Variants in ECPAS observed in about 807,000 individuals in gnomAD.
The protein encoded by ECPAS is proteasome adapter and scaffold protein ECM29.
A neutral mutation model predicts 255.1 loss-of-function variants in ECPAS; 70 were observed. That is an observed-to-expected ratio of 0.27 (90% CI 0.23 to 0.33). The LOEUF is 0.33. ECPAS is among the 10% of genes least tolerant of loss of function. The pLI is 1.00. For synonymous variants in ECPAS, 784 were observed against 775.0 expected, an observed-to-expected ratio of 1.01 and a Z score of -0.19; for missense variants, 1,817 against 2,206.4, an observed-to-expected ratio of 0.82 and a Z score of 3.54.
At chr9:111,431,861 G>A (rs888972905) in intron 8 of ECPAS, among the ~76,000 whole-genome samples, 1 of 152,144 alleles carries the variant, frequency 6.6e-6, no homozygotes, top group Admixed American at 6.5e-5. Context: ...CTACAATTCT[G>A]TTTTAGATAT....
At chr9:111,390,150 C>T (rs2098157239) in intron 29 of ECPAS, 49 bp from the exon 30 acceptor site, 5 of 1,142,702 alleles carry the variant, frequency 4.4e-6, no homozygotes, top group Non-Finnish European at 6.3e-6. Flanking sequence ...TCTCTCTCTC[C>T]AGCCTAAAAA....
intron 2 of ECPAS, among the ~76,000 whole-genome samples, chr9:111,454,576 G>A (rs1408201121): frequency 6.6e-6 from 1 of 152,114 alleles, no homozygotes; most frequent in Non-Finnish European, 1.5e-5. Flanking sequence ...TACCTTTGAG[G>A]TGAATCAATC....
chr9:111,470,746 C>CCACACACACACACACACA (rs57091815), intron 2 of ECPAS, among the ~76,000 whole-genome samples: 77 of 124,584 alleles, frequency 6.2e-4, no homozygotes, highest in South Asian at 1.1e-3. Context: ...TCTCCTCCCG[C>CCACACACACACACACACA]CACACACACA....
chr9:111,365,099 C>T (rs552907696), intron 48 of ECPAS, among the ~76,000 whole-genome samples: 2 of 151,750 alleles, frequency 1.3e-5, no homozygotes, highest in African/African-American at 4.8e-5. Flanking sequence ...GGTGAAACCC[C>T]GTCTCTACTA....
intron 2 of ECPAS, among the ~76,000 whole-genome samples, chr9:111,452,394 C>A (rs769469190): frequency 3.3e-5 from 5 of 151,878 alleles, no homozygotes; most frequent in Non-Finnish European, 5.9e-5. Context: ...AAACTCTACA[C>A]TTTCATACCT....
At chr9:111,380,943 G>C (rs936197937) in intron 35 of ECPAS, among the ~76,000 whole-genome samples, 1 of 152,242 alleles carries the variant, frequency 6.6e-6, no homozygotes, top group African/African-American at 2.4e-5. Context: ...AGGGAATTTT[G>C]TGGCTGATTT....
At chr9:111,440,021 T>G (rs1351408930) in intron 6 of ECPAS, among the ~76,000 whole-genome samples, 2 of 150,322 alleles carry the variant, frequency 1.3e-5, no homozygotes, top group Admixed American at 6.7e-5. Flanking sequence ...TAATAGTAAA[T>G]TTAAAAGAGA....
In ECPAS at chr9:111,413,979, C is replaced by A; in HGVS notation, c.1995G>T (p.Pro665=). 1 of 1,573,572 alleles carries A rather than the reference C, an allele frequency of 6.4e-7. No individual in the cohort carries two copies. The highest frequency in any genetic ancestry group is 8.6e-7 in the Non-Finnish European group (1 of 1,158,830). The change falls in exon 20 of 50, where the codon CCG becomes CCT. Residue 665 remains proline, a synonymous_variant. Transcript: ENST00000684092. ...QQLLAGVGGL[P]VMYCLLEAVS... The stretch of plus-strand genomic sequence containing the variant: ...CAGCTTCCAATAGACAGTACATAAC[C>A]GGCAAACCTAAATAAGAATTCAGAA...
intron 17 of ECPAS, among the ~76,000 whole-genome samples, chr9:111,417,382 T>C (rs1468298004): frequency 6.6e-6 from 1 of 152,218 alleles, no homozygotes; most frequent in Non-Finnish European, 1.5e-5. Flanking sequence ...ACAGATCAAT[T>C]ACAGGTGAGG....
chr9:111,454,512 G>A (rs1212492593), intron 2 of ECPAS, among the ~76,000 whole-genome samples: 1 of 152,118 alleles, frequency 6.6e-6, no homozygotes, highest in African/African-American at 2.4e-5. Context: ...ACCACCATGT[G>A]AGAGGGTCCT....
At chr9:111,437,362 A>G (rs1254460274) in intron 6 of ECPAS, among the ~76,000 whole-genome samples, 1 of 152,220 alleles carries the variant, frequency 6.6e-6, no homozygotes. Context: ...ATGAATATAA[A>G]TATTTTCATC....
chr9:111,367,493 T>G (rs2131478546), intron 46 of ECPAS, among the ~76,000 whole-genome samples: 1 of 152,300 alleles, frequency 6.6e-6, no homozygotes, highest in South Asian at 2.1e-4. Context: ...TCTCATATAA[T>G]TCCCTACTTT....
At chr9:111,402,683 T>C (rs1444846902) in intron 24 of ECPAS, among the ~76,000 whole-genome samples, 1 of 152,180 alleles carries the variant, frequency 6.6e-6, no homozygotes, top group African/African-American at 2.4e-5. Context: ...ATGGGGGTAC[T>C]GGAATTAAAA....
chr9:111,481,161 A>G (rs1406387270), intron 1 of ECPAS, among the ~76,000 whole-genome samples: 3 of 152,230 alleles, frequency 2.0e-5, no homozygotes, highest in Non-Finnish European at 4.4e-5. Context: ...AACTCTGTGT[A>G]TTGTTGGTGG....
chr9:111,411,647 T>C (rs896753389), intron 21 of ECPAS: 2 of 185,158 alleles, frequency 1.1e-5, no homozygotes, highest in African/African-American at 4.7e-5. Context: ...AAAAAGGAGC[T>C]AACATTTCTC....
chr9:111,443,504 C>T (rs2098248759), intron 4 of ECPAS, among the ~76,000 whole-genome samples: 1 of 138,660 alleles, frequency 7.2e-6, no homozygotes, highest in African/African-American at 2.5e-5. Flanking sequence ...TGGCCTCAAC[C>T]TCCCAAAGTG....
intron 42 of ECPAS, 82 bp from the exon 43 acceptor site, chr9:111,371,911 C>T: frequency 9.1e-7 from 1 of 1,100,034 alleles, no homozygotes; most frequent in South Asian, 1.4e-5. Flanking sequence ...AGTCAGTGAC[C>T]AACAGTCTAA....
At position 111,399,130 on chromosome 9, in the gene ECPAS, A is replaced by T. The variant is rs1451895555; in HGVS notation, c.2653-1977T>A. Among the ~76,000 whole-genome samples the T allele has an allele frequency of 2.0e-5, 3 of 152,138 alleles. No individual in the cohort carries two copies. In the East Asian group the frequency reaches 5.8e-4, roughly 29 times the overall value. On this transcript the variant is annotated intron_variant, in intron 24 of 49. Transcript: ENST00000684092. ...TGATTATTAAGCATTGCATGTCTGT[A>T]TCAAAACACCTCATGTACCCCATAA...
At chr9:111,466,372 G>A (rs563205361) in intron 2 of ECPAS, among the ~76,000 whole-genome samples, 3 of 152,224 alleles carry the variant, frequency 2.0e-5, no homozygotes, top group South Asian at 4.1e-4. Flanking sequence ...TTGAACCCGG[G>A]AGGTAGAGGT....
Sources: allele counts gnomAD v4.1 joint callset (sites outside exome capture counted in the v4.1 genomes callset), GRCh38; gene constraint gnomAD v4.1.1; transcripts MANE v1.5; gene names NCBI Gene and HGNC (gene_info 2026-07-23, HGNC 2026-07-21).